Variants in LMF1 observed in about 807,000 individuals in gnomAD.
LMF1 encodes lipase maturation factor 1.
LMF1 carries 68 observed loss-of-function variants against 60.6 expected under a neutral mutation model. The ratio of observed to expected loss-of-function variants is 1.12; its 90% CI spans 0.92 to 1.37. LMF1 has a LOEUF of 1.37. Among genes scored for constraint, LMF1 ranks in the 40% most tolerant of loss-of-function variants. LMF1 has a pLI of 0.00. For missense variants in LMF1, 948 were observed against 767.2 expected (o/e 1.24, Z -2.78); for synonymous variants, 418 against 324.7 (o/e 1.29, Z -3.09).
chr16:942,369 C>G (rs2072122474), intron 2 of LMF1, among the ~76,000 whole-genome samples: 1 of 152,248 alleles, frequency 6.6e-6, no homozygotes, highest in African/African-American at 2.4e-5. Context: ...GCCCAGATAA[C>G]ATTTTCTCTT....
chr16:868,351 TGCACCCCA>T (rs905297281), intron 10 of LMF1, among the ~76,000 whole-genome samples: 17 of 152,116 alleles, frequency 1.1e-4, no homozygotes, highest in Non-Finnish European at 2.4e-4. Context: ...TGTCTCCCTG[TGCACCCCA>T]GCTCCCCTGC....
At chr16:916,310 G>A (rs918670041) in intron 3 of LMF1, among the ~76,000 whole-genome samples, 10 of 152,176 alleles carry the variant, frequency 6.6e-5, no homozygotes, top group Admixed American at 2.0e-4. Flanking sequence ...TGTTAAAATC[G>A]GGGACGAGGG....
rs756197816 is a variant in LMF1 at position 871,328 on chromosome 16, A to G, written c.911T>C (p.Val304Ala). 4 of 1,611,528 alleles carry G rather than the reference A, an allele frequency of 2.5e-6. No individual in the cohort carries two copies. The Admixed American group carries it at 6.7e-5, about 27-fold the overall frequency. Reference protein sequence around the residue: ...LQILFQAVLIVSGNLSFLNWL... With the variant: ...LQILFQAVLIASGNLSFLNWL... ...GTTCAGGAAGCTGAGGTTCCCGCTG[A>G]CGATGAGGACGGCCTGTGGAGACGC... The change falls in exon 7 of 11, where the codon GTC becomes GCC. Residue 304 changes from valine (V) to alanine (A), a missense_variant. By Grantham distance (64) the Val-to-Ala change is moderately conservative. Transcript: ENST00000262301.
intron 1 of LMF1, among the ~76,000 whole-genome samples, chr16:957,889 T>A (rs1460082471): frequency 2.6e-5 from 4 of 152,128 alleles, no homozygotes; most frequent in African/African-American, 4.8e-5. Flanking sequence ...ACACCTGTCA[T>A]CCCAGCACTT....
intron 2 of LMF1, among the ~76,000 whole-genome samples, chr16:945,933 A>G (rs950745175): frequency 6.6e-6 from 1 of 152,198 alleles, no homozygotes. Context: ...GCAAAGACAG[A>G]CTGTTCTCCC....
intron 4 of LMF1, chr16:900,729 G>GTGTGTGTGTGTGTGTGTGTGTT (rs59956645): frequency 1.3e-5 from 1 of 79,304 alleles, no homozygotes; most frequent in African/African-American, 5.1e-5. Flanking sequence ...GTGTGTGTGT[G>GTGTGTGTGTGTGTGTGTGTGTT]TGTTTTAGTA....
intron 1 of LMF1, among the ~76,000 whole-genome samples, chr16:963,303 C>T (rs984079724): frequency 9.2e-5 from 14 of 152,082 alleles, no homozygotes; most frequent in African/African-American, 3.4e-4. Context: ...GCCCTCAGCC[C>T]CGGCGGCCAC....
chr16:936,984 C>T (rs1032277928), intron 2 of LMF1, among the ~76,000 whole-genome samples: 1 of 152,130 alleles, frequency 6.6e-6, no homozygotes, highest in East Asian at 1.9e-4. Context: ...AAGACGCAGC[C>T]TCACGCTTTT....
chr16:914,545 C>T (rs1596983148), intron 3 of LMF1, among the ~76,000 whole-genome samples: 1 of 97,538 alleles, frequency 1.0e-5, no homozygotes, highest in African/African-American at 3.7e-5. Flanking sequence ...TCCCTCCTTC[C>T]CATGACCACT....
intron 5 of LMF1, among the ~76,000 whole-genome samples, chr16:890,204 C>T (rs916412384): frequency 6.6e-5 from 10 of 152,190 alleles, no homozygotes; most frequent in African/African-American, 2.4e-4. Context: ...AGCCGTGTCA[C>T]GGCGGTCCAC....
At chr16:974,793 C>T (rs1004873739), upstream of LMF1, among the ~76,000 whole-genome samples, 8 of 152,256 alleles carry the variant, frequency 5.3e-5, no homozygotes, top group South Asian at 2.1e-4. Context: ...CCCGCCTCCT[C>T]GGGGCCATTG....
upstream of LMF1, among the ~76,000 whole-genome samples, chr16:973,235 C>T (rs1275265849): frequency 6.6e-6 from 1 of 152,136 alleles, no homozygotes; most frequent in Non-Finnish European, 1.5e-5. Context: ...ATCCCAGCTA[C>T]TCGGGAGACT....
intron 2 of LMF1, among the ~76,000 whole-genome samples, chr16:947,233 G>A (rs980872652): frequency 2.6e-5 from 4 of 152,208 alleles, no homozygotes; most frequent in Admixed American, 6.5e-5. Context: ...TGAAAAGGAC[G>A]TCACTTTTAC....
rs138480742 is a variant in LMF1 at position 909,483 on chromosome 16, G to A, written c.663+1448C>T. Reference sequence around the variant, plus strand: ...AGCGAGCCACGCCACACAGAACCACGCTATGCGCTATACTGAGCCACGCTA... The same window carrying A: ...AGCGAGCCACGCCACACAGAACCACACTATGCGCTATACTGAGCCACGCTA... On this transcript the variant is annotated intron_variant, in intron 4 of 10. Coordinates refer to ENST00000262301, the MANE Select transcript of LMF1 (RefSeq NM_022773.4). 6.8e-4 allele frequency among the ~76,000 whole-genome samples: 103 copies of A among 152,172 alleles called. 1 individual carries two copies. Among genetic ancestry groups the A allele is most frequent in the Non-Finnish European group, 1.3e-3 (87 of 68,000 alleles).
chr16:857,140 C>A (rs1355507361), intron 10 of LMF1, among the ~76,000 whole-genome samples: 1 of 152,242 alleles, frequency 6.6e-6, no homozygotes, highest in Non-Finnish European at 1.5e-5. Flanking sequence ...GGCGTGAGTG[C>A]ACCCTAGTTT....
chr16:883,083 T>C (rs566055366), intron 5 of LMF1, among the ~76,000 whole-genome samples: 6 of 144,836 alleles, frequency 4.1e-5, no homozygotes, highest in East Asian at 2.1e-4. Context: ...GCGGAGCCCA[T>C]TGCAGGACCA....
chr16:862,610 C>T (rs540232136), intron 10 of LMF1, among the ~76,000 whole-genome samples: 33 of 152,244 alleles, frequency 2.2e-4, no homozygotes, highest in Middle Eastern at 6.8e-3. Flanking sequence ...GTAATCCCAG[C>T]ACTTTGGGAG....
chr16:863,729 G>T (rs1238139655), intron 10 of LMF1, among the ~76,000 whole-genome samples: 5 of 152,302 alleles, frequency 3.3e-5, no homozygotes, highest in African/African-American at 9.6e-5. Context: ...AACGTCCTGG[G>T]TTCACACAGT....
At chr16:948,225 G>A (rs1263536627) in intron 2 of LMF1, among the ~76,000 whole-genome samples, 6 of 151,014 alleles carry the variant, frequency 4.0e-5, no homozygotes, top group Non-Finnish European at 7.4e-5. Flanking sequence ...CAGAGTCAGA[G>A]ACAATGACAG....
Sources: allele counts gnomAD v4.1 joint callset (sites outside exome capture counted in the v4.1 genomes callset), GRCh38; gene constraint gnomAD v4.1.1; transcripts MANE v1.5; gene names NCBI Gene and HGNC (gene_info 2026-07-23, HGNC 2026-07-21).